SDK1: variants seen among roughly 807,000 people sequenced by gnomAD.
SDK1 encodes the protein sidekick cell adhesion molecule 1.
Under a neutral mutation model 245.5 loss-of-function variants are expected in SDK1, and 157 were observed. That is an observed-to-expected ratio of 0.64 (90% CI 0.56 to 0.73). The LOEUF (loss-of-function observed/expected upper bound fraction) is 0.73, where lower values mean the gene tolerates loss of function less well. Ranked by LOEUF, SDK1 falls within the 30% of genes least tolerant of loss-of-function variation. The probability of loss-of-function intolerance (pLI) is 0.00; values close to 1 mark genes in which losing one functional copy is unlikely to be tolerated. For missense variants in SDK1, 3,583 were observed against 3,002.3 expected, an observed-to-expected ratio of 1.19 and a Z score of -4.52; for synonymous variants, 1,647 against 1,278.5, an observed-to-expected ratio of 1.29 and a Z score of -6.15.
rs540837550 is a variant in SDK1, at chr7:4,109,547, A to G, written c.3325-1116A>G. Among the ~76,000 whole-genome samples, 25 of 152,292 alleles carry G rather than the reference A, an allele frequency of 1.6e-4. No individual in the cohort carries two copies. In the East Asian group the frequency reaches 4.6e-3, roughly 28 times the overall value. ...GCCAGTTTGTCCTGACATGCTCTCC[A>G]TGCTTGCAGCCGGCCTTCTCTGTGT... On this transcript the variant is annotated intron_variant, in intron 22 of 44. Coordinates refer to ENST00000404826, the MANE Select transcript of SDK1 (RefSeq NM_152744.4).
At chr7:3,583,298 A>T (rs1395839637) in intron 1 of SDK1, among the ~76,000 whole-genome samples, 1 of 152,234 alleles carries the variant, frequency 6.6e-6, no homozygotes, top group East Asian at 1.9e-4. Context: ...TTCTTAGTAA[A>T]CAAATTTTCA....
chr7:3,845,932 T>C (rs10479834), intron 5 of SDK1, among the ~76,000 whole-genome samples: 57,149 of 152,108 alleles, frequency 0.38, 14,658 homozygotes, highest in African/African-American at 0.73. Context: ...TGAGCTGCTC[T>C]GCTACCTACA....
intron 1 of SDK1, among the ~76,000 whole-genome samples, chr7:3,587,300 CGT>C (rs10523052): frequency 0.14 from 21,098 of 148,944 alleles, 1,969 homozygotes; most frequent in African/African-American, 0.28. Flanking sequence ...AGAAACAGAA[CGT>C]GTGTGTGTGT....
intron 4 of SDK1, among the ~76,000 whole-genome samples, chr7:3,647,658 G>C (rs2128654656): frequency 6.6e-6 from 1 of 152,146 alleles, no homozygotes; most frequent in Non-Finnish European, 1.5e-5. Flanking sequence ...TCGAACTCCT[G>C]ACTTCAGGCA....
intron 1 of SDK1, among the ~76,000 whole-genome samples, chr7:3,482,491 A>T (rs1446928472): frequency 6.6e-6 from 1 of 152,188 alleles, no homozygotes; most frequent in Non-Finnish European, 1.5e-5. Flanking sequence ...AAAGTCCGTA[A>T]TGTAAAAGGT....
chr7:3,305,411 C>G (rs778876367), intron 1 of SDK1, among the ~76,000 whole-genome samples: 2 of 152,160 alleles, frequency 1.3e-5, no homozygotes, highest in Non-Finnish European at 1.5e-5. Context: ...CCTGATTTTT[C>G]TGTGGTCTGG....
At chr7:3,568,310 C>G (rs1779992172) in intron 1 of SDK1, among the ~76,000 whole-genome samples, 1 of 151,976 alleles carries the variant, frequency 6.6e-6, no homozygotes, top group African/African-American at 2.4e-5. Flanking sequence ...CTCTAATGTC[C>G]CAGCCTCCCT....
At chr7:3,902,287 A>G (rs7783415) in intron 5 of SDK1, among the ~76,000 whole-genome samples, 33,467 of 152,042 alleles carry the variant, frequency 0.22, 3,874 homozygotes, top group Middle Eastern at 0.35. Flanking sequence ...CTCTCCTCCC[A>G]TTCCATGTTT....
At chr7:4,173,853 C>T (rs1242808009) in intron 32 of SDK1, among the ~76,000 whole-genome samples, 7 of 152,128 alleles carry the variant, frequency 4.6e-5, no homozygotes, top group African/African-American at 7.2e-5. Context: ...CAGAGCAGGC[C>T]GCCTCTCGAG....
chr7:3,504,075 G>T (rs895806892), intron 1 of SDK1, among the ~76,000 whole-genome samples: 1 of 151,454 alleles, frequency 6.6e-6, no homozygotes, highest in African/African-American at 2.4e-5. Context: ...GCTTGAACCC[G>T]GGAGGCAGAG....
intron 43 of SDK1, among the ~76,000 whole-genome samples, chr7:4,244,381 A>T (rs933445812): frequency 2.6e-5 from 4 of 152,110 alleles, no homozygotes; most frequent in Admixed American, 2.6e-4. Flanking sequence ...GGCTGCTCTC[A>T]CTATCGAGTC....
At chr7:3,924,538 C>T (rs1053366116) in intron 5 of SDK1, among the ~76,000 whole-genome samples, 5 of 152,156 alleles carry the variant, frequency 3.3e-5, no homozygotes, top group Admixed American at 2.6e-4. Flanking sequence ...GGGAGAATGA[C>T]CGATGCTGCC....
At chr7:3,392,025 C>T (rs1446374926) in intron 1 of SDK1, among the ~76,000 whole-genome samples, 4 of 150,746 alleles carry the variant, frequency 2.7e-5, no homozygotes, top group Admixed American at 6.6e-5. Flanking sequence ...AAAGACCATA[C>T]AAGGCTTTTA....
At chr7:3,762,127 G>A (rs1270274960) in intron 4 of SDK1, among the ~76,000 whole-genome samples, 2 of 152,184 alleles carry the variant, frequency 1.3e-5, no homozygotes, top group Non-Finnish European at 2.9e-5. Flanking sequence ...CATAACAGCG[G>A]TTTGGGGGAT....
intron 17 of SDK1, among the ~76,000 whole-genome samples, chr7:4,041,637 T>TGCACACTTGAAAC (rs1312393239): frequency 1.1e-5 from 1 of 91,952 alleles, no homozygotes; most frequent in African/African-American, 8.9e-5. Context: ...CAGCCACTGG[T>TGCACACTTGAAAC]CCTTTTGCTG....
At chr7:4,098,786 C>CCCGA (rs1401597866) in intron 22 of SDK1, among the ~76,000 whole-genome samples, 1 of 151,436 alleles carries the variant, frequency 6.6e-6, no homozygotes, top group Non-Finnish European at 1.5e-5. Flanking sequence ...ACCTCAGCCT[C>CCCGA]CCGAGTAGCT....
intron 1 of SDK1, among the ~76,000 whole-genome samples, chr7:3,531,609 C>T (rs1188608245): frequency 1.3e-5 from 2 of 152,098 alleles, no homozygotes; most frequent in Admixed American, 1.3e-4. Flanking sequence ...ATAAGTGATA[C>T]AATGTATTCA....
chr7:4,176,207 G>A (rs947152548), intron 34 of SDK1, among the ~76,000 whole-genome samples: 2 of 150,532 alleles, frequency 1.3e-5, no homozygotes, highest in Admixed American at 1.3e-4. Flanking sequence ...CTGTTGCCGA[G>A]GCTGGAGTGC....
intron 1 of SDK1, among the ~76,000 whole-genome samples, chr7:3,358,860 T>C (rs1780877927): frequency 6.6e-6 from 1 of 152,238 alleles, no homozygotes; most frequent in Non-Finnish European, 1.5e-5. Context: ...TTTCCTCTTT[T>C]CAATTTCAAA....
Sources: gnomAD v4.1 joint callset for allele counts (sites outside exome capture counted in the v4.1 genomes callset) on GRCh38, gnomAD v4.1.1 for gene constraint, MANE v1.5 for transcripts, NCBI Gene and HGNC (gene_info 2026-07-23, HGNC 2026-07-21) for gene names.